Variants in CCDC7 observed in about 807,000 individuals in gnomAD.
The protein encoded by CCDC7 is coiled-coil domain containing 7.
CCDC7 carries 183 observed loss-of-function variants against 196.9 expected under a neutral mutation model. The observed-to-expected ratio is 0.93, with a 90% CI of 0.82 to 1.05. CCDC7 has a LOEUF of 1.05. CCDC7 is among the 50% of genes least tolerant of loss of function. CCDC7 has a pLI of 0.00. For missense variants in CCDC7, 1,540 were observed against 1,482.2 expected, an observed-to-expected ratio of 1.04 and a Z score of -0.64; for synonymous variants, 525 against 484.6, an observed-to-expected ratio of 1.08 and a Z score of -1.10.
At chr10:32,869,954 T>C (rs368678782) in intron 41 of CCDC7, among the ~76,000 whole-genome samples, 1 of 152,166 alleles carries the variant, frequency 6.6e-6, no homozygotes, top group Admixed American at 6.5e-5. Context: ...CATTGGTCTA[T>C]ATCTCTGTTT....
chr10:32,871,181 G>A (rs895611163), intron 41 of CCDC7, among the ~76,000 whole-genome samples: 2 of 152,190 alleles, frequency 1.3e-5, no homozygotes, highest in Admixed American at 1.3e-4. Context: ...AATGGTACCA[G>A]TTCCTCCTTG....
At chr10:32,639,778 G>A (rs1244665013) in intron 20 of CCDC7, among the ~76,000 whole-genome samples, 11 of 151,992 alleles carry the variant, frequency 7.2e-5, no homozygotes, top group Admixed American at 2.6e-4. Context: ...ACAGGTGCCC[G>A]CCAGCACTGC....
chr10:32,852,034 G>T, intron 40 of CCDC7, 102 bp downstream of exon 41: 5 of 1,224,448 alleles, frequency 4.1e-6, no homozygotes, highest in Non-Finnish European at 5.5e-6. Context: ...TAACAGTTTG[G>T]CAAAATATAA....
intron 11 of CCDC7, among the ~76,000 whole-genome samples, chr10:32,531,899 C>A (rs2049726938): frequency 6.6e-6 from 1 of 152,014 alleles, no homozygotes; most frequent in South Asian, 2.1e-4. Flanking sequence ...GTTATTTCTG[C>A]TTTTTAGCTT....
chr10:32,576,564 T>C (rs995378790), intron 16 of CCDC7, among the ~76,000 whole-genome samples: 35 of 150,686 alleles, frequency 2.3e-4, no homozygotes, highest in Non-Finnish European at 4.6e-4. Flanking sequence ...TTTTTTTTTT[T>C]TTTTGAGATA....
intron 24 of CCDC7, among the ~76,000 whole-genome samples, chr10:32,702,126 A>G (rs1174172650): frequency 6.6e-6 from 1 of 151,888 alleles, no homozygotes; most frequent in Non-Finnish European, 1.5e-5. Context: ...TGTCCATTTT[A>G]GATTTTTCCT....
intron 18 of CCDC7, among the ~76,000 whole-genome samples, chr10:32,600,997 AT>A (rs200681925): frequency 6.6e-6 from 1 of 150,894 alleles, no homozygotes; most frequent in Non-Finnish European, 1.5e-5. Flanking sequence ...TTCTTATTTG[AT>A]TTTTTTTTCT....
intron 8 of CCDC7, among the ~76,000 whole-genome samples, chr10:32,477,626 A>G (rs991582723): frequency 1.3e-5 from 2 of 151,088 alleles, no homozygotes; most frequent in South Asian, 4.2e-4. Context: ...TTCTTCATTG[A>G]GTTGCCTTTG....
At chr10:32,872,772 G>A (rs1326205426) in intron 41 of CCDC7, among the ~76,000 whole-genome samples, 1 of 151,980 alleles carries the variant, frequency 6.6e-6, no homozygotes, top group Non-Finnish European at 1.5e-5. Context: ...TGTCTGTAAA[G>A]GATTTTATTT....
chr10:32,788,583 C>G (rs2082215794), intron 29 of CCDC7, among the ~76,000 whole-genome samples: 1 of 152,168 alleles, frequency 6.6e-6, no homozygotes, highest in African/African-American at 2.4e-5. Flanking sequence ...CAGGCTGGCT[C>G]TCACAACTCC....
intron 8 of CCDC7, chr10:32,481,602 A>G (rs1018260701): frequency 1.3e-5 from 2 of 152,174 alleles, no homozygotes; most frequent in African/African-American, 2.4e-5. Context: ...TACTATATAC[A>G]CACTTTCACC....
intron 28 of CCDC7, among the ~76,000 whole-genome samples, chr10:32,776,354 G>C (rs1426261494): frequency 6.6e-6 from 1 of 150,550 alleles, no homozygotes; most frequent in East Asian, 2.0e-4. Flanking sequence ...TGCATTTGTA[G>C]TGGTAAGAAT....
At chr10:32,548,527 A>G (rs1172687715) in intron 13 of CCDC7, among the ~76,000 whole-genome samples, 2 of 152,220 alleles carry the variant, frequency 1.3e-5, no homozygotes, top group Non-Finnish European at 2.9e-5. Flanking sequence ...AAAATGGCGG[A>G]CAAAGAACAC....
At chr10:32,522,746 C>T (rs1425968552) in intron 11 of CCDC7, among the ~76,000 whole-genome samples, 1 of 151,890 alleles carries the variant, frequency 6.6e-6, no homozygotes, top group Non-Finnish European at 1.5e-5. Flanking sequence ...TTTGTTGCTT[C>T]ATTAGGTTAT....
intron 18 of CCDC7, among the ~76,000 whole-genome samples, chr10:32,608,220 A>T (rs192523012): frequency 6.6e-6 from 1 of 152,156 alleles, no homozygotes; most frequent in East Asian, 1.9e-4. Flanking sequence ...TCCAGCTAAC[A>T]GTTCATCAAT....
intron 29 of CCDC7, among the ~76,000 whole-genome samples, chr10:32,779,661 T>A (rs370979171): frequency 3.9e-4 from 59 of 152,132 alleles, no homozygotes; most frequent in African/African-American, 1.3e-3. Context: ...CTTAAAGGCA[T>A]CAGGCAAACA....
At chr10:32,522,971 A>G (rs2048099710) in intron 11 of CCDC7, among the ~76,000 whole-genome samples, 1 of 152,150 alleles carries the variant, frequency 6.6e-6, no homozygotes, top group Non-Finnish European at 1.5e-5. Flanking sequence ...CATAGTTTCC[A>G]AAATTCCTTT....
At chr10:32,528,518 C>T (rs2049025731) in intron 11 of CCDC7, among the ~76,000 whole-genome samples, 3 of 151,552 alleles carry the variant, frequency 2.0e-5, no homozygotes. Context: ...GTTTTCGATT[C>T]CTGAGTTACT....
At chr10:32,753,861 T>G (rs536820791) in intron 28 of CCDC7, among the ~76,000 whole-genome samples, 4 of 152,276 alleles carry the variant, frequency 2.6e-5, no homozygotes, top group Non-Finnish European at 5.9e-5. Flanking sequence ...ACATGTTTTC[T>G]TAATTGTTTA....
Sources: gnomAD v4.1 joint callset for allele counts (sites outside exome capture counted in the v4.1 genomes callset) on GRCh38, gnomAD v4.1.1 for gene constraint, MANE v1.5 for transcripts, NCBI Gene and HGNC (gene_info 2026-07-23, HGNC 2026-07-21) for gene names.